ZNF536: variants seen among roughly 807,000 people sequenced by gnomAD.
ZNF536 encodes zinc finger protein 536.
Under a neutral mutation model 84.5 loss-of-function variants are expected in ZNF536, and 13 were observed. The observed-to-expected ratio is 0.15, with a 90% CI of 0.10 to 0.24. The LOEUF is 0.24. Ranked by LOEUF, ZNF536 falls within the 10% of genes least tolerant of loss-of-function variation. The probability of loss-of-function intolerance (pLI) is 1.00; values close to 1 mark genes in which losing one functional copy is unlikely to be tolerated. For synonymous variants in ZNF536, 811 were observed against 742.5 expected (o/e 1.09, Z -1.50); for missense variants, 1,536 against 1,747.5 (o/e 0.88, Z 2.16).
chr19:30,384,533 T>C (rs1454715071), intron 1 of ZNF536, among the ~76,000 whole-genome samples: 1 of 151,490 alleles, frequency 6.6e-6, no homozygotes, highest in Non-Finnish European at 1.5e-5. Context: ...TATTGAATCA[T>C]GTCCTGGGTG....
At chr19:30,253,415 T>G (rs1168240713) in intron 1 of ZNF536, among the ~76,000 whole-genome samples, 1 of 152,210 alleles carries the variant, frequency 6.6e-6, no homozygotes, top group Non-Finnish European at 1.5e-5. Flanking sequence ...GCGAATCTTA[T>G]TGCAGTTTGG....
chr19:30,451,169 G>A (rs1271587999), intron 2 of ZNF536, among the ~76,000 whole-genome samples: 2 of 152,240 alleles, frequency 1.3e-5, no homozygotes, highest in Non-Finnish European at 1.5e-5. Flanking sequence ...TGTCAGATGG[G>A]GCACAGGGTC....
At chr19:30,576,457 A>G (rs1043496781) in intron 1 of ZNF536, among the ~76,000 whole-genome samples, 1 of 152,110 alleles carries the variant, frequency 6.6e-6, no homozygotes, top group Non-Finnish European at 1.5e-5. Context: ...CCCCAGTTTC[A>G]TGGTTGAACT....
intron 3 of ZNF536, among the ~76,000 whole-genome samples, chr19:30,542,495 A>G (rs940627114): frequency 2.0e-5 from 3 of 152,222 alleles, no homozygotes; most frequent in African/African-American, 4.8e-5. Flanking sequence ...TCATTAATCA[A>G]TTGGAATGAT....
intron 1 of ZNF536, among the ~76,000 whole-genome samples, chr19:30,631,886 A>C (rs549264494): frequency 6.6e-6 from 1 of 152,222 alleles, no homozygotes; most frequent in Non-Finnish European, 1.5e-5. Context: ...AGTCCATTTC[A>C]TTTTCTGAGC....
At chr19:30,237,709 T>C (rs1358088364) in intron 1 of ZNF536, among the ~76,000 whole-genome samples, 1 of 152,212 alleles carries the variant, frequency 6.6e-6, no homozygotes, top group African/African-American at 2.4e-5. Flanking sequence ...TGTTTGCTAA[T>C]TAAATTGTTT....
chr19:30,410,678 C>T (rs1423390822), intron 1 of ZNF536, among the ~76,000 whole-genome samples: 1 of 151,990 alleles, frequency 6.6e-6, no homozygotes, highest in Non-Finnish European at 1.5e-5. Flanking sequence ...CGGGGTTTCA[C>T]CGTGTTAGCC....
At chr19:30,678,341 TTC>T (rs1346205226) in intron 1 of ZNF536, among the ~76,000 whole-genome samples, 1 of 152,114 alleles carries the variant, frequency 6.6e-6, no homozygotes, top group East Asian at 1.9e-4. Context: ...CTCACGGCCT[TTC>T]TGGTCTCCCT....
rs1353041618 is a variant in ZNF536 at position 30,399,677 on chromosome 19, A to AT, written c.-3+27122dup. ...CCCAACACCATTTATTAAATAAGAA[A>AT]TGTTTTTTTTTTTTTTTTTTGAGAT... On this transcript the variant is annotated intron_variant, in intron 1 of 4. Coordinates refer to ENST00000355537, the MANE Select transcript of ZNF536 (RefSeq NM_014717.3). Among the ~76,000 whole-genome samples the AT allele has an allele frequency of 9.3e-5, 10 of 107,106 alleles. No individual in the cohort carries two copies. In the South Asian group the frequency reaches 1.6e-3, roughly 17 times the overall value. The allele number at this position is 107,106 out of a possible 152,430, so 70.3% of individuals were successfully genotyped here.
At chr19:30,570,349 C>G (rs999539511) in intron 1 of ZNF536, among the ~76,000 whole-genome samples, 1 of 152,192 alleles carries the variant, frequency 6.6e-6, no homozygotes, top group African/African-American at 2.4e-5. Flanking sequence ...AGTAACCCGG[C>G]ACGTTCCTCC....
chr19:30,421,728 C>T (rs1462604017), intron 1 of ZNF536, among the ~76,000 whole-genome samples: 1 of 152,162 alleles, frequency 6.6e-6, no homozygotes, highest in Non-Finnish European at 1.5e-5. Context: ...GAGAGATCTA[C>T]CCTTGTCACG....
intron 2 of ZNF536, among the ~76,000 whole-genome samples, chr19:30,489,438 G>A (rs115444961): frequency 0.015 from 2,218 of 152,032 alleles, 42 homozygotes; most frequent in African/African-American, 0.051. Flanking sequence ...AAAAATTAGC[G>A]AGGTGTGGTG....
In ZNF536 at chr19:30,443,796, C is replaced by A. The variant is rs2148153901; in HGVS notation, c.234C>A (p.Gly78=). The change falls in exon 2 of 5, where the codon GGC becomes GGA. Residue 78 remains glycine (G), a synonymous_variant. Coordinates refer to ENST00000355537, the MANE Select transcript of ZNF536 (RefSeq NM_014717.3). ...TGCCCATGAGCGGCCAGCCCATGGG[C>A]AGTCAGATGGCGCTCCTGGCCAACC... ...AHVPMSGQPM[G]SQMALLANQL... is the part of the protein sequence containing the mutation. The A allele has an allele frequency of 6.2e-7, 1 of 1,613,180 alleles. No homozygotes were observed. Among genetic ancestry groups the A allele is most frequent in the Non-Finnish European group, 8.5e-7 (1 of 1,179,772 alleles).
At chr19:30,302,463 C>T (rs1288193862) in intron 2 of ZNF536, among the ~76,000 whole-genome samples, 1 of 152,174 alleles carries the variant, frequency 6.6e-6, no homozygotes, top group Non-Finnish European at 1.5e-5. Context: ...CATGCAGAAT[C>T]CTATAGGATT....
rs1245802145 is a variant in ZNF536 at position 30,445,707 on chromosome 19, G to T, written c.2145G>T (p.Pro715=). The change falls in exon 2 of 5, where the codon CCG becomes CCT. Residue 715 remains proline (P), a synonymous_variant. Transcript: ENST00000355537. This position sits in a 1 kb window ranked among gnomAD's most constrained non-coding sequence, Gnocchi z 4.5. Reference sequence around the variant, plus strand: ...CCGGGAGTGCCCAGGAGGACAGCCCGCACCCCTCCTCGCCATCCTCCTCAG... The same window carrying T: ...CCGGGAGTGCCCAGGAGGACAGCCCTCACCCCTCCTCGCCATCCTCCTCAG... ...SQTGSAQEDS[P]HPSSPSSSDI... is the part of the protein sequence containing the mutation. The T allele has an allele frequency of 7.6e-6, 12 of 1,576,460 alleles. No homozygotes were observed. Among genetic ancestry groups the T allele is most frequent in the Non-Finnish European group, 1.0e-5 (12 of 1,160,264 alleles).
At chr19:30,338,183 GTGATGGTGGTGATGATGT>G (rs890500497) in intron 2 of ZNF536, among the ~76,000 whole-genome samples, 9 of 151,416 alleles carry the variant, frequency 5.9e-5, no homozygotes, top group African/African-American at 2.2e-4. Flanking sequence ...GGTGATGATG[GTGATGGTGGTGATGATGT>G]TGATGGTGGT....
At chr19:30,618,829 G>T (rs569779971) in intron 1 of ZNF536, among the ~76,000 whole-genome samples, 1 of 151,912 alleles carries the variant, frequency 6.6e-6, no homozygotes, top group South Asian at 2.1e-4. Flanking sequence ...AATGCTCCAG[G>T]ATTTTCTAAG....
chr19:30,282,653 A>T (rs1600061694), intron 1 of ZNF536, among the ~76,000 whole-genome samples: 1 of 152,254 alleles, frequency 6.6e-6, no homozygotes, highest in East Asian at 1.9e-4. Flanking sequence ...CAAAGCAAAT[A>T]AGTGTTTTCA....
At chr19:30,537,930 T>C (rs893909464) in intron 3 of ZNF536, among the ~76,000 whole-genome samples, 4 of 152,180 alleles carry the variant, frequency 2.6e-5, no homozygotes, top group African/African-American at 9.6e-5. Context: ...TAAAGATCAA[T>C]TACCTTTTTA....
Sources: allele counts gnomAD v4.1 joint callset (sites outside exome capture counted in the v4.1 genomes callset), GRCh38; gene constraint gnomAD v4.1.1; non-coding constraint Gnocchi (gnomAD v3.1); transcripts MANE v1.5; gene names NCBI Gene and HGNC (gene_info 2026-07-23, HGNC 2026-07-21).